Variants in LRRC4C observed in about 807,000 individuals in gnomAD.
The protein encoded by LRRC4C is leucine rich repeat containing 4C.
In LRRC4C, 5 loss-of-function variants were observed where a neutral mutation model predicts 33.6. The ratio of observed to expected loss-of-function variants is 0.15; its 90% CI spans 0.08 to 0.31. The LOEUF is 0.31. LRRC4C is among the 10% of genes least tolerant of loss of function. LRRC4C has a pLI of 1.00. For missense variants in LRRC4C, 560 were observed against 796.7 expected (o/e 0.70, Z 3.58); for synonymous variants, 329 against 302.0 (o/e 1.09, Z -0.93).
At chr11:41,083,093 G>A (rs765683208) in intron 1 of LRRC4C, among the ~76,000 whole-genome samples, 3 of 152,026 alleles carry the variant, frequency 2.0e-5, no homozygotes, top group Non-Finnish European at 4.4e-5. Flanking sequence ...TGTGCAAGGT[G>A]TAAAGAAAGA....
At chr11:40,585,708 G>T (rs1290708015) in intron 3 of LRRC4C, among the ~76,000 whole-genome samples, 5 of 141,102 alleles carry the variant, frequency 3.5e-5, no homozygotes, top group Non-Finnish European at 6.1e-5. Flanking sequence ...CACCTATGAG[G>T]GAGAATATGC....
At chr11:40,409,129 C>A (rs1266339029) in intron 3 of LRRC4C, among the ~76,000 whole-genome samples, 4 of 151,680 alleles carry the variant, frequency 2.6e-5, no homozygotes, top group Non-Finnish European at 4.4e-5. Flanking sequence ...GACAAAGGTG[C>A]CAAGAATACA....
At chr11:40,706,485 G>A (rs952398911) in intron 2 of LRRC4C, among the ~76,000 whole-genome samples, 1 of 152,130 alleles carries the variant, frequency 6.6e-6, no homozygotes, top group Non-Finnish European at 1.5e-5. Context: ...CCCATTGCTT[G>A]TTTTTGTCAG....
chr11:41,101,051 C>G (rs1941144257), intron 1 of LRRC4C, among the ~76,000 whole-genome samples: 1 of 152,078 alleles, frequency 6.6e-6, no homozygotes, highest in Non-Finnish European at 1.5e-5. Context: ...CATAAAAACC[C>G]TGGAAGACAA....
intron 3 of LRRC4C, among the ~76,000 whole-genome samples, chr11:40,627,667 A>G (rs550361161): frequency 3.3e-5 from 5 of 152,334 alleles, no homozygotes; most frequent in African/African-American, 1.2e-4. Flanking sequence ...GATTAGAGAC[A>G]GCCTGTGATT....
At chr11:41,078,361 C>G (rs1377403098) in intron 1 of LRRC4C, among the ~76,000 whole-genome samples, 1 of 152,114 alleles carries the variant, frequency 6.6e-6, no homozygotes. Context: ...TTCCTAGTAC[C>G]AATTTTCTGT....
At chr11:41,067,636 T>C (rs551998671) in intron 1 of LRRC4C, among the ~76,000 whole-genome samples, 1 of 152,352 alleles carries the variant, frequency 6.6e-6, no homozygotes, top group Non-Finnish European at 1.5e-5. Flanking sequence ...GCATGGCACT[T>C]ATTCTACAAC....
intron 2 of LRRC4C, among the ~76,000 whole-genome samples, chr11:40,697,205 G>T (rs11036027): frequency 0.082 from 12,519 of 152,058 alleles, 1,766 homozygotes; most frequent in African/African-American, 0.29. Context: ...ATTCAATGAA[G>T]ATATGTGTGT....
intron 1 of LRRC4C, among the ~76,000 whole-genome samples, chr11:41,457,183 C>G (rs139775810): frequency 6.6e-6 from 1 of 152,112 alleles, no homozygotes; most frequent in African/African-American, 2.4e-5. Context: ...TCTAAATATA[C>G]CAGTATTTGG....
chr11:41,383,530 T>C (rs892463584), intron 1 of LRRC4C, among the ~76,000 whole-genome samples: 2 of 151,988 alleles, frequency 1.3e-5, no homozygotes, highest in African/African-American at 2.4e-5. Context: ...ATGTGTACAA[T>C]TGGAAATTTC....
chr11:41,237,893 C>A (rs1273729310), intron 1 of LRRC4C, among the ~76,000 whole-genome samples: 1 of 152,110 alleles, frequency 6.6e-6, no homozygotes, highest in Non-Finnish European at 1.5e-5. Context: ...ATAAAACCTA[C>A]CTTCACAATT....
chr11:40,385,492 G>A (rs867113643), intron 3 of LRRC4C, among the ~76,000 whole-genome samples: 1 of 151,994 alleles, frequency 6.6e-6, no homozygotes, highest in Non-Finnish European at 1.5e-5. Flanking sequence ...TAAACATTGC[G>A]TACACATGGA....
At chr11:40,433,405 A>G (rs184866098) in intron 3 of LRRC4C, among the ~76,000 whole-genome samples, 1 of 152,000 alleles carries the variant, frequency 6.6e-6, no homozygotes, top group East Asian at 1.9e-4. Flanking sequence ...GATATAATAT[A>G]TGGGATGAGG....
chr11:41,356,772 C>T (rs985075815), intron 1 of LRRC4C, among the ~76,000 whole-genome samples: 2 of 152,074 alleles, frequency 1.3e-5, no homozygotes, highest in Non-Finnish European at 2.9e-5. Context: ...TATCTGCTAC[C>T]GATGAACTTT....
At chr11:40,638,879 C>T (rs902750742) in intron 3 of LRRC4C, among the ~76,000 whole-genome samples, 17 of 149,944 alleles carry the variant, frequency 1.1e-4, no homozygotes, top group Admixed American at 6.7e-4. Context: ...ACTTAATATA[C>T]GATGTTGCTA....
At chr11:41,310,527 A>T (rs1487372093) in intron 1 of LRRC4C, among the ~76,000 whole-genome samples, 1 of 152,252 alleles carries the variant, frequency 6.6e-6, no homozygotes, top group Non-Finnish European at 1.5e-5. Flanking sequence ...CCACCAAACA[A>T]GCAAATTACA....
At chr11:41,249,036 C>CTTTT (rs554360740) in intron 1 of LRRC4C, among the ~76,000 whole-genome samples, 5 of 148,984 alleles carry the variant, frequency 3.4e-5, no homozygotes, top group African/African-American at 5.0e-5. Context: ...AAGATACTGT[C>CTTTT]TTCTTTTTTT....
intron 3 of LRRC4C, among the ~76,000 whole-genome samples, chr11:40,565,965 C>T (rs1957742414): frequency 6.6e-6 from 1 of 151,936 alleles, no homozygotes; most frequent in Non-Finnish European, 1.5e-5. Flanking sequence ...CTCCAGTTCA[C>T]ACACTAGAAA....
At chr11:41,261,302 C>T (rs976354397) in intron 1 of LRRC4C, among the ~76,000 whole-genome samples, 2 of 152,166 alleles carry the variant, frequency 1.3e-5, no homozygotes, top group African/African-American at 4.8e-5. Flanking sequence ...TTTAAACTTC[C>T]TGGCCTTCAG....
Sources: gnomAD v4.1 joint callset for allele counts (sites outside exome capture counted in the v4.1 genomes callset) on GRCh38, gnomAD v4.1.1 for gene constraint, MANE v1.5 for transcripts, NCBI Gene and HGNC (gene_info 2026-07-23, HGNC 2026-07-21) for gene names.